The following ZNF292 variants were observed in gnomAD, a reference collection of about 807,000 sequenced individuals.
The protein encoded by ZNF292 is zinc finger protein 292.
Under a neutral mutation model 217.9 loss-of-function variants are expected in ZNF292, and 26 were observed. The observed-to-expected ratio is 0.12, with a 90% CI of 0.09 to 0.17. The LOEUF (loss-of-function observed/expected upper bound fraction) is 0.17, where lower values mean the gene tolerates loss of function less well. ZNF292 is among the 10% of genes least tolerant of loss of function. The pLI, the probability that ZNF292 is intolerant of heterozygous loss-of-function variation, is 1.00. For missense variants in ZNF292, 2,904 were observed against 3,175.2 expected (o/e 0.91, Z 2.05); for synonymous variants, 1,257 against 1,124.1 (o/e 1.12, Z -2.37).
intron 5 of ZNF292, among the ~76,000 whole-genome samples, chr6:87,238,925 C>G (rs1774049929): frequency 6.6e-6 from 1 of 152,130 alleles, no homozygotes; most frequent in South Asian, 2.1e-4. Flanking sequence ...TAACAAAGCA[C>G]ATCTTGCACC....
At chr6:87,196,421 C>G (rs1407081337) in intron 1 of ZNF292, among the ~76,000 whole-genome samples, 1 of 152,098 alleles carries the variant, frequency 6.6e-6, no homozygotes, top group Non-Finnish European at 1.5e-5. Flanking sequence ...TGTAAAATGT[C>G]AAATCAGTGT....
Position 87,255,149 on chromosome 6 carries a change from T to G in ZNF292, c.1520T>G (p.Leu507Arg). 1 of 1,613,796 alleles carries G rather than the reference T, an allele frequency of 6.2e-7. No homozygotes were observed. The highest frequency in any genetic ancestry group is 8.5e-7 in the Non-Finnish European group (1 of 1,179,840). The change falls in exon 8 of 8, where the codon CTT (leucine) becomes CGT (arginine). Residue 507 changes from leucine to arginine, a missense_variant. Leu to Arg is a moderately radical substitution (Grantham distance 102). Transcript: ENST00000369577. ...LSGGVGANSG[L>R]LKDIGDEKQK... is the part of the protein sequence containing the mutation. Reference sequence around the variant, plus strand: ...GGTGGAGTTGGTGCTAATTCTGGCCTTCTTAAAGACATTGGTGATGAAAAG... The same window carrying G: ...GGTGGAGTTGGTGCTAATTCTGGCCGTCTTAAAGACATTGGTGATGAAAAG...
At chr6:87,253,468 G>A (rs1397557077) in intron 7 of ZNF292, among the ~76,000 whole-genome samples, 2 of 151,502 alleles carry the variant, frequency 1.3e-5, no homozygotes, top group African/African-American at 2.4e-5. Flanking sequence ...GAGATCAAGC[G>A]ATCCTCCTGC....
chr6:87,216,180 G>A, intron 2 of ZNF292, 119 bp from the exon 3 acceptor site: 1 of 1,336,438 alleles, frequency 7.5e-7, no homozygotes. Flanking sequence ...AAGTCTTATA[G>A]TTTAATTTTA....
intron 1 of ZNF292, among the ~76,000 whole-genome samples, chr6:87,194,132 A>G (rs1188333647): frequency 6.6e-6 from 1 of 152,216 alleles, no homozygotes; most frequent in African/African-American, 2.4e-5. Context: ...TGTCTAGAAA[A>G]GGCACAGCTA....
At chr6:87,158,019 G>A (rs534828641) in intron 1 of ZNF292, among the ~76,000 whole-genome samples, 11 of 152,156 alleles carry the variant, frequency 7.2e-5, no homozygotes, top group Non-Finnish European at 1.3e-4. Flanking sequence ...CCAGACTTGA[G>A]TTTTTTAATG....
intron 1 of ZNF292, among the ~76,000 whole-genome samples, chr6:87,168,992 GTTTT>G (rs1771004338): frequency 6.6e-6 from 1 of 151,406 alleles, no homozygotes; most frequent in Admixed American, 6.6e-5. Flanking sequence ...TACGGTTTTG[GTTTT>G]TTGTTTGTAT....
At chr6:87,208,863 G>A (rs1772356334) in intron 1 of ZNF292, among the ~76,000 whole-genome samples, 1 of 152,168 alleles carries the variant, frequency 6.6e-6, no homozygotes, top group Non-Finnish European at 1.5e-5. Context: ...AGTTCAGGCA[G>A]TGAGTTGGAA....
rs930838514 is a variant in ZNF292, at chr6:87,261,759, A to C, written c.8130A>C (p.Lys2710Asn). 1.2e-6 allele frequency: 2 copies of C among 1,612,798 alleles called. No homozygotes were observed. The highest frequency in any genetic ancestry group is 2.7e-5 in the African/African-American group (2 of 74,872). ...HSNDPDMSVM[K>N]DISIGKATGR... ...ATGATCCAGATATGTCTGTTATGAA[A>C]GATATCAGTATAGGTAAAGCCACAG... Residue 2710 changes from lysine to asparagine, a missense_variant, in exon 8 of 8, where the codon AAA becomes AAC. Lys to Asn is a moderately conservative substitution (Grantham distance 94, BLOSUM62 0). Coordinates refer to ENST00000369577, the MANE Select transcript of ZNF292 (RefSeq NM_015021.3).
chr6:87,231,239 T>A (rs1773638883), intron 4 of ZNF292, among the ~76,000 whole-genome samples: 1 of 152,200 alleles, frequency 6.6e-6, no homozygotes, highest in East Asian at 1.9e-4. Flanking sequence ...TATATAATTA[T>A]CTTCCTTTAA....
chr6:87,217,876 C>T (rs2127804819), intron 3 of ZNF292, among the ~76,000 whole-genome samples: 1 of 152,258 alleles, frequency 6.6e-6, no homozygotes, highest in Non-Finnish European at 1.5e-5. Flanking sequence ...TGTTTAACAG[C>T]ATTTATTTTC....
intron 4 of ZNF292, among the ~76,000 whole-genome samples, chr6:87,229,052 A>G (rs1773516501): frequency 2.0e-5 from 3 of 152,334 alleles, no homozygotes; most frequent in East Asian, 1.9e-4. Context: ...CATGAACACA[A>G]GATACCTTCC....
intron 7 of ZNF292, among the ~76,000 whole-genome samples, chr6:87,250,016 T>A (rs1449536805): frequency 3.3e-5 from 4 of 121,168 alleles, no homozygotes; most frequent in Non-Finnish European, 3.3e-5. Flanking sequence ...AGCCAACTGG[T>A]AACCCTTAAA....
Position 87,239,889 on chromosome 6 carries a change from C to T in ZNF292, c.742-3586C>T, listed in dbSNP as rs539799488. ...CAGACTGGGCAGCCGGGCAGAGAGG[C>T]TCCTCACATCCCAGACGATGGGTGG... is the stretch of plus-strand genomic sequence containing the variant. On this transcript the variant is annotated intron_variant, in intron 5 of 7. Coordinates refer to ENST00000369577, the MANE Select transcript of ZNF292 (RefSeq NM_015021.3). Among the ~76,000 whole-genome samples, 20 of 151,724 alleles carry T rather than the reference C, an allele frequency of 1.3e-4. No individual in the cohort carries two copies. In the East Asian group the frequency reaches 3.7e-3, roughly 28 times the overall value.
chr6:87,239,523 C>T (rs1213735713), intron 5 of ZNF292, among the ~76,000 whole-genome samples: 11 of 106,626 alleles, frequency 1.0e-4, no homozygotes, highest in South Asian at 6.1e-4. Context: ...GGCGGCTGGC[C>T]GGGCGGGGGC....
chr6:87,169,758 C>T lies in ZNF292; in HGVS notation c.168+13999C>T. 4 of 425,316 alleles carry T rather than the reference C, an allele frequency of 9.4e-6. No homozygotes were observed. The East Asian group carries it at 3.2e-4, about 34-fold the overall frequency. 26.3% of individuals were successfully genotyped at this position (425,316 alleles called of 1,614,324 possible). A position where few individuals can be genotyped will look rare whatever the true frequency, so the allele number is the denominator to read the frequency against. The stretch of plus-strand genomic sequence containing the variant: ...ACCTCCCGGGCTCAAGTGATCCTCC[C>T]ACCTCAGCCTCTTGGATAGCTGGGA... On this transcript the variant is annotated intron_variant, in intron 1 of 7. Coordinates refer to ENST00000369577, the MANE Select transcript of ZNF292 (RefSeq NM_015021.3).
rs1194108487 is a variant in ZNF292 at position 87,256,643 on chromosome 6, T to C, written c.3014T>C (p.Leu1005Ser). 8.1e-6 allele frequency: 13 copies of C among 1,613,500 alleles called. No individual in the cohort carries two copies. The highest frequency in any genetic ancestry group is 2.7e-5 in the African/African-American group (2 of 74,912). The change falls in exon 8 of 8, where the codon TTA becomes TCA. Residue 1005 changes from leucine to serine, a missense_variant. Transcript: ENST00000369577. Reference protein sequence around the residue: ...FNDAHVTQNSLVNSETLKIGD... With the variant: ...FNDAHVTQNSSVNSETLKIGD... ...GATGCCCATGTTACTCAGAATTCTTTAGTAAATTCAGAAACTCTCAAAATA... is the reference window on the plus strand; with the variant it reads ...GATGCCCATGTTACTCAGAATTCTTCAGTAAATTCAGAAACTCTCAAAATA...
chr6:87,222,815 T>C (rs1397329203), intron 4 of ZNF292: 1 of 453,696 alleles, frequency 2.2e-6, no homozygotes, highest in Admixed American at 2.3e-5. Context: ...CATGTCTTCT[T>C]AGGCTCCTCT....
chr6:87,197,467 G>A (rs1410995478), intron 1 of ZNF292, among the ~76,000 whole-genome samples: 1 of 148,776 alleles, frequency 6.7e-6, no homozygotes, highest in Non-Finnish European at 1.5e-5. Context: ...GGGCACAGTA[G>A]CTCACACCTG....
Sources: allele counts gnomAD v4.1 joint callset (sites outside exome capture counted in the v4.1 genomes callset), GRCh38; gene constraint gnomAD v4.1.1; transcripts MANE v1.5; gene names NCBI Gene and HGNC (gene_info 2026-07-23, HGNC 2026-07-21).